Variants in CD200R1 observed in about 807,000 individuals in gnomAD.
CD200R1 encodes the protein cell surface glycoprotein CD200 receptor 1.
CD200R1 carries 30 observed loss-of-function variants against 38.1 expected under a neutral mutation model. That is an observed-to-expected ratio of 0.79 (90% confidence interval 0.59 to 1.07). The LOEUF (loss-of-function observed/expected upper bound fraction) is 1.07. Among genes scored for constraint, CD200R1 ranks in the 50% least tolerant of loss-of-function variants. CD200R1 has a pLI of 0.00. For synonymous variants in CD200R1, 128 were observed against 152.1 expected (o/e 0.84, Z 1.16); for missense variants, 372 against 415.4 (o/e 0.90, Z 0.91).
chr3:112,966,562 TA>T (rs982613822), intron 1 of CD200R1, among the ~76,000 whole-genome samples: 2 of 152,204 alleles, frequency 1.3e-5, no homozygotes, highest in Non-Finnish European at 2.9e-5. Flanking sequence ...ATTCTCATAT[TA>T]TGTAATGGAT....
At chr3:112,935,737 T>C (rs1182119836) in intron 2 of CD200R1, among the ~76,000 whole-genome samples, 1 of 152,144 alleles carries the variant, frequency 6.6e-6, no homozygotes, top group African/African-American at 2.4e-5. Context: ...CAGAACTCAA[T>C]GAAACTGAAC....
intron 1 of CD200R1, among the ~76,000 whole-genome samples, chr3:112,974,366 T>TTACAGGC (rs1443662009): frequency 6.6e-6 from 1 of 151,996 alleles, no homozygotes; most frequent in Non-Finnish European, 1.5e-5. Context: ...AGACCTGGAG[T>TTACAGGC]TACAGGCTGC....
At chr3:112,960,265 T>C (rs1293372551) in intron 1 of CD200R1, among the ~76,000 whole-genome samples, 2 of 152,068 alleles carry the variant, frequency 1.3e-5, no homozygotes, top group Non-Finnish European at 2.9e-5. Flanking sequence ...ATGTTTGCCA[T>C]TGTAACAATA....
chr3:112,923,946 G>A, intron 7 of CD200R1, 147 bp from the exon 8 acceptor site: 1 of 546,832 alleles, frequency 1.8e-6, no homozygotes, highest in Non-Finnish European at 3.2e-6. Context: ...ATAAACATAA[G>A]AGCAGGATTT....
intron 1 of CD200R1, among the ~76,000 whole-genome samples, chr3:112,962,152 C>A (rs1410370984): frequency 1.3e-5 from 2 of 152,060 alleles, no homozygotes; most frequent in Non-Finnish European, 2.9e-5. Flanking sequence ...ATCTTACTGG[C>A]CTGTTTTGTT....
chr3:112,940,554 T>C (rs1291023321), intron 2 of CD200R1, among the ~76,000 whole-genome samples: 2 of 151,818 alleles, frequency 1.3e-5, no homozygotes, highest in Admixed American at 6.6e-5. Flanking sequence ...CATGAAAAAG[T>C]GCTCAACATC....
intron 1 of CD200R1, among the ~76,000 whole-genome samples, chr3:112,954,185 TTGGTTGTTCAGGAG>T (rs1941034379): frequency 6.6e-6 from 1 of 152,032 alleles, no homozygotes; most frequent in Non-Finnish European, 1.5e-5. Context: ...TATTGGCCAA[TTGGTTGTTCAGGAG>T]TATGTTGTTT....
At chr3:112,950,253 T>A (rs942320362) in intron 1 of CD200R1, among the ~76,000 whole-genome samples, 2 of 152,044 alleles carry the variant, frequency 1.3e-5, no homozygotes, top group Non-Finnish European at 2.9e-5. Flanking sequence ...AATACAAAAA[T>A]TAGCCGGATG....
In CD200R1 at chr3:112,929,310, GTCTGGAGACCCAGGTTATTC is replaced by G. The variant is rs773565641; in HGVS notation, c.380_399del (p.Arg127ThrfsTer2). On this transcript the variant is annotated frameshift_variant, in exon 4 of 8. Coordinates refer to ENST00000308611, the MANE Select transcript of CD200R1 (RefSeq NM_138806.4). LOFTEE classifies it high-confidence loss of function. ...ATCTGAAGGTCCGAATTCTGATCAG[GTCTGGAGACCCAGGTTATTC>G]TCTCATCAGTACAGTTGGTTTCCTT... 1.2e-5 allele frequency: 19 copies of G among 1,614,176 alleles called. No individual in the cohort carries two copies. The highest frequency in any genetic ancestry group is 1.6e-5 in the Non-Finnish European group (19 of 1,180,046).
At chr3:112,956,359 TTA>T (rs1941099880) in intron 1 of CD200R1, among the ~76,000 whole-genome samples, 1 of 152,196 alleles carries the variant, frequency 6.6e-6, no homozygotes, top group African/African-American at 2.4e-5. Flanking sequence ...TGGTTTTTTT[TTA>T]AATTATTTCA....
At chr3:112,951,654 T>C (rs937113224) in intron 1 of CD200R1, among the ~76,000 whole-genome samples, 2 of 151,794 alleles carry the variant, frequency 1.3e-5, no homozygotes, top group Non-Finnish European at 2.9e-5. Flanking sequence ...GGAAGTTTTC[T>C]TCTCTTCCTA....
intron 1 of CD200R1, among the ~76,000 whole-genome samples, chr3:112,958,148 GA>G: frequency 6.6e-6 from 1 of 151,948 alleles, no homozygotes; most frequent in East Asian, 1.9e-4. Context: ...TTATCTAAGA[GA>G]AATGAAAACA....
intron 2 of CD200R1, among the ~76,000 whole-genome samples, chr3:112,945,263 A>G (rs1201356427): frequency 6.6e-6 from 1 of 152,230 alleles, no homozygotes; most frequent in Non-Finnish European, 1.5e-5. Context: ...CAGAATAGTC[A>G]ACACATTATT....
In CD200R1 at chr3:112,923,744, G is replaced by C. The variant is rs1940221122; in HGVS notation, c.980C>G (p.Thr327Ser). 2 of 1,608,902 alleles carry C rather than the reference G, an allele frequency of 1.2e-6. No individual in the cohort carries two copies. Among genetic ancestry groups the C allele is most frequent in the Admixed American group, 1.7e-5 (1 of 59,582 alleles). The change falls in exon 8 of 8, where the codon ACT (threonine) becomes AGT (serine). Residue 327 changes from threonine to serine, a missense_variant. Transcript: ENST00000308611. ...CTCAGATGCCTTCACCTTGTTTGTA[G>C]TATCATAGAGAGGATTGTTCTTCTC... ...YTEKNNPLYD[T>S]TNKVKASEAL...
At chr3:112,947,807 G>C in intron 2 of CD200R1, 49 bp downstream of exon 2, 1 of 1,175,200 alleles carries the variant, frequency 8.5e-7, no homozygotes, top group Non-Finnish European at 1.3e-6. Flanking sequence ...AACCTATATG[G>C]ACATCAAGCA....
intron 2 of CD200R1, among the ~76,000 whole-genome samples, chr3:112,933,160 A>C (rs1304393565): frequency 1.3e-5 from 2 of 152,176 alleles, no homozygotes; most frequent in Admixed American, 1.3e-4. Flanking sequence ...CTCAGCAGAC[A>C]TGCCCCCAGA....
At chr3:112,933,177 G>A (rs1418929456) in intron 2 of CD200R1, among the ~76,000 whole-genome samples, 1 of 152,198 alleles carries the variant, frequency 6.6e-6, no homozygotes, top group Non-Finnish European at 1.5e-5. Context: ...CAGACTGGCC[G>A]AGTGGCTGCC....
chr3:112,924,983 G>T (rs2107299394), intron 6 of CD200R1, 102 bp downstream of exon 6: 3 of 708,310 alleles, frequency 4.2e-6, no homozygotes, highest in East Asian at 2.8e-5. Context: ...TGGGAGATTT[G>T]ATGTTAACAT....
chr3:112,965,742 A>C (rs1435797639), intron 1 of CD200R1, among the ~76,000 whole-genome samples: 1 of 152,128 alleles, frequency 6.6e-6, no homozygotes, highest in Non-Finnish European at 1.5e-5. Context: ...GCCTGGCGAC[A>C]GAGTGAGACT....
Sources: allele counts gnomAD v4.1 joint callset (sites outside exome capture counted in the v4.1 genomes callset), GRCh38; gene constraint gnomAD v4.1.1; transcripts MANE v1.5; gene names NCBI Gene and HGNC (gene_info 2026-07-23, HGNC 2026-07-21).